SLC39A9: variants seen among roughly 807,000 people sequenced by gnomAD.
The protein encoded by SLC39A9 is zinc transporter ZIP9.
A neutral mutation model predicts 28.4 loss-of-function variants in SLC39A9; 14 were observed. The observed-to-expected ratio is 0.49, with a 90% CI of 0.33 to 0.77. SLC39A9 has a LOEUF of 0.77. SLC39A9 is among the 30% of genes least tolerant of loss of function. The pLI is 0.02. For synonymous variants in SLC39A9, 119 were observed against 149.6 expected (o/e 0.80, Z 1.49); for missense variants, 283 against 381.1 (o/e 0.74, Z 2.14).
intron 6 of SLC39A9, among the ~76,000 whole-genome samples, chr14:69,456,995 G>T (rs1385313886): frequency 6.6e-6 from 1 of 152,112 alleles, no homozygotes; most frequent in African/African-American, 2.4e-5. Flanking sequence ...TCAGTAATCA[G>T]TGTCAGTTTT....
rs2232056 is a variant in SLC39A9, at chr14:69,453,111, C to T, written c.404-130C>T. On this transcript the variant is annotated intron_variant, in intron 3 of 6. Transcript: ENST00000336643. Reference sequence around the variant, plus strand: ...CAACACTTTGGGAGGGTGAGGCGGGCGGATCATTGGAGGTCAGGAGTTTGA... The same window carrying T: ...CAACACTTTGGGAGGGTGAGGCGGGTGGATCATTGGAGGTCAGGAGTTTGA... The T allele has an allele frequency of 3.2e-4, 211 of 661,920 alleles. 1 individual carries two copies. In the East Asian group the frequency reaches 5.6e-3, roughly 18 times the overall value. 41.0% of individuals were successfully genotyped at this position (661,920 alleles called of 1,614,324 possible). A position where few individuals can be genotyped will look rare whatever the true frequency, so the allele number is the denominator to read the frequency against.
At chr14:69,446,947 T>TAGAG (rs1213461172) in intron 3 of SLC39A9, among the ~76,000 whole-genome samples, 33 of 129,356 alleles carry the variant, frequency 2.6e-4, no homozygotes, top group South Asian at 5.1e-4. Context: ...TATATATATA[T>TAGAG]AGAGAGAGAG....
chr14:69,427,487 C>T (rs1370731101), intron 2 of SLC39A9, among the ~76,000 whole-genome samples: 2 of 152,158 alleles, frequency 1.3e-5, no homozygotes, highest in Non-Finnish European at 2.9e-5. Flanking sequence ...GTGTACACAT[C>T]TACAAGTTTT....
At chr14:69,457,882 A>G (rs1486990074) in intron 6 of SLC39A9, among the ~76,000 whole-genome samples, 1 of 152,188 alleles carries the variant, frequency 6.6e-6, no homozygotes. Context: ...TGGGCAACAT[A>G]GCGAGACCTC....
At chr14:69,438,323 CCT>C (rs1884881395) in intron 2 of SLC39A9, among the ~76,000 whole-genome samples, 1 of 152,102 alleles carries the variant, frequency 6.6e-6, no homozygotes, top group Admixed American at 6.6e-5. Flanking sequence ...GCCTGACCCC[CCT>C]CTTTCTTTAT....
intron 3 of SLC39A9, among the ~76,000 whole-genome samples, chr14:69,452,947 G>C: frequency 6.6e-6 from 1 of 152,172 alleles, no homozygotes. Context: ...ACATTTCAGT[G>C]ATTTTTCTGT....
Position 69,459,743 on chromosome 14 carries a change from T to G in SLC39A9, c.*1150T>G, listed in dbSNP as rs909687055. Reference sequence around the variant, plus strand: ...ATCATGTCTCTTGTCTCTTCGTCTTTTCTTTGCTTTTCTTCTAACTTTTCC... The same window carrying G: ...ATCATGTCTCTTGTCTCTTCGTCTTGTCTTTGCTTTTCTTCTAACTTTTCC... On this transcript the variant is annotated 3_prime_UTR_variant, in exon 7 of 7. Coordinates refer to ENST00000336643, the MANE Select transcript of SLC39A9 (RefSeq NM_018375.5). 24 of 985,056 alleles carry G rather than the reference T, an allele frequency of 2.4e-5. No homozygotes were observed. Among genetic ancestry groups the G allele is most frequent in the South Asian group, 4.7e-5 (1 of 21,280 alleles). The allele number at this position is 985,056 out of a possible 1,614,324, so 61.0% of individuals were successfully genotyped here. A position where few individuals can be genotyped will look rare whatever the true frequency, so the allele number is the denominator to read the frequency against.
chr14:69,428,192 G>A (rs1884297951), intron 2 of SLC39A9, among the ~76,000 whole-genome samples: 3 of 151,738 alleles, frequency 2.0e-5, no homozygotes, highest in South Asian at 4.2e-4. Flanking sequence ...TAGGAGAATC[G>A]CTTGAACCTG....
In SLC39A9 at chr14:69,459,058, A is replaced by G. The variant is rs1001227835; in HGVS notation, c.*465A>G. 18 of 988,184 alleles carry G rather than the reference A, an allele frequency of 1.8e-5. No individual in the cohort carries two copies. The African/African-American group carries it at 2.3e-4, about 12-fold the overall frequency. The allele number at this position is 988,184 out of a possible 1,614,324, so 61.2% of individuals were successfully genotyped here. On this transcript the variant is annotated 3_prime_UTR_variant, in exon 7 of 7. Coordinates refer to ENST00000336643, the MANE Select transcript of SLC39A9 (RefSeq NM_018375.5). ...ATGTAAGACTGGTGCTTTAGCATCT[A>G]TGCCACATGCGTTGATGGAAGGTCA...
At chr14:69,436,374 C>T (rs1230307954) in intron 2 of SLC39A9, among the ~76,000 whole-genome samples, 1 of 152,102 alleles carries the variant, frequency 6.6e-6, no homozygotes, top group East Asian at 1.9e-4. Flanking sequence ...TCTTTTCCCT[C>T]GGTAATTGGT....
At chr14:69,455,918 A>C in intron 6 of SLC39A9, 52 bp downstream of exon 6, 2 of 1,582,672 alleles carry the variant, frequency 1.3e-6, no homozygotes, top group Non-Finnish European at 1.7e-6. Context: ...GATCTCTTAG[A>C]ATTTATGATC....
intron 5 of SLC39A9, 60 bp downstream of exon 5, chr14:69,454,957 T>C (rs2232058): frequency 0.15 from 192,200 of 1,272,890 alleles, 15,973 homozygotes; most frequent in Middle Eastern, 0.24. Context: ...AAATTTCTCA[T>C]GGTCCTTAAT....
At chr14:69,450,994 G>T (rs1233747274) in intron 3 of SLC39A9, among the ~76,000 whole-genome samples, 1 of 152,118 alleles carries the variant, frequency 6.6e-6, no homozygotes, top group East Asian at 1.9e-4. Context: ...ATGCTAAACT[G>T]CAGTCTTTAT....
chr14:69,423,207 A>T (rs1883997539), intron 1 of SLC39A9, among the ~76,000 whole-genome samples: 1 of 152,224 alleles, frequency 6.6e-6, no homozygotes, highest in Admixed American at 6.5e-5. Flanking sequence ...ATCAATACAT[A>T]TTGATTGCCA....
intron 2 of SLC39A9, among the ~76,000 whole-genome samples, chr14:69,440,567 A>G (rs547538669): frequency 6.6e-6 from 1 of 152,274 alleles, no homozygotes; most frequent in African/African-American, 2.4e-5. Flanking sequence ...TCTGGGTGAA[A>G]GGGCCATACC....
At chr14:69,434,522 C>CA (rs35489673) in intron 2 of SLC39A9, among the ~76,000 whole-genome samples, 1 of 151,790 alleles carries the variant, frequency 6.6e-6, no homozygotes. Flanking sequence ...CCTGTATTTA[C>CA]AAAAAAATTT....
At chr14:69,426,877 G>A (rs974030199) in intron 2 of SLC39A9, among the ~76,000 whole-genome samples, 1 of 151,786 alleles carries the variant, frequency 6.6e-6, no homozygotes, top group African/African-American at 2.4e-5. Context: ...AGTGTATAGT[G>A]TATATACTAT....
rs774036755 is a variant in SLC39A9, at chr14:69,460,315, A to G, written c.*1722A>G. On this transcript the variant is annotated 3_prime_UTR_variant, in exon 7 of 7. Transcript: ENST00000336643. ...AAAGCTTGTGAGCCCTCTGCTGGCCACAGTGAGGAAAGTAGCACAAATAGG... is the reference window on the plus strand; with the variant it reads ...AAAGCTTGTGAGCCCTCTGCTGGCCGCAGTGAGGAAAGTAGCACAAATAGG... The G allele has an allele frequency of 1.3e-4, 131 of 985,590 alleles. No homozygotes were observed. Among genetic ancestry groups the G allele is most frequent in the Non-Finnish European group, 1.5e-4 (128 of 829,954 alleles). The allele number at this position is 985,590 out of a possible 1,614,324, so 61.1% of individuals were successfully genotyped here. A position where few individuals can be genotyped will look rare whatever the true frequency, so the allele number is the denominator to read the frequency against.
intron 6 of SLC39A9, among the ~76,000 whole-genome samples, chr14:69,457,149 T>C (rs1885898952): frequency 6.6e-6 from 1 of 151,964 alleles, no homozygotes; most frequent in Non-Finnish European, 1.5e-5. Context: ...GAAATTAGTT[T>C]TATAAAGATT....
Sources: gnomAD v4.1 joint callset for allele counts (sites outside exome capture counted in the v4.1 genomes callset) on GRCh38, gnomAD v4.1.1 for gene constraint, MANE v1.5 for transcripts, NCBI Gene and HGNC (gene_info 2026-07-23, HGNC 2026-07-21) for gene names.